Variants in SUMF1 observed in about 807,000 individuals in gnomAD.
SUMF1 encodes formylglycine-generating enzyme.
SUMF1 carries 48 observed loss-of-function variants against 47.6 expected under a neutral mutation model. The ratio of observed to expected loss-of-function variants is 1.01; its 90% CI spans 0.80 to 1.28. The LOEUF (loss-of-function observed/expected upper bound fraction) is 1.28, where lower values mean the gene tolerates loss of function less well. SUMF1 is among the 50% of genes most tolerant of loss of function. The probability of loss-of-function intolerance (pLI) is 0.00; values close to 1 mark genes in which losing one functional copy is unlikely to be tolerated. For synonymous variants in SUMF1, 230 were observed against 192.1 expected, an observed-to-expected ratio of 1.20 and a Z score of -1.63; for missense variants, 571 against 485.4, an observed-to-expected ratio of 1.18 and a Z score of -1.66.
At chr3:4,219,731 T>A (rs1261123902) in intron 8 of SUMF1, among the ~76,000 whole-genome samples, 1 of 152,164 alleles carries the variant, frequency 6.6e-6, no homozygotes, top group Non-Finnish European at 1.5e-5. Context: ...AGAAATACAC[T>A]GGGAATATGT....
chr3:4,110,575 A>G (rs1693274295), intron 8 of SUMF1, among the ~76,000 whole-genome samples: 1 of 152,040 alleles, frequency 6.6e-6, no homozygotes, highest in Non-Finnish European at 1.5e-5. Context: ...TCACAATAAC[A>G]AAGACTTGGA....
chr3:4,114,298 A>T (rs1460316064), intron 8 of SUMF1, among the ~76,000 whole-genome samples: 1 of 151,976 alleles, frequency 6.6e-6, no homozygotes, highest in Non-Finnish European at 1.5e-5. Flanking sequence ...TCTCTATCAC[A>T]CCCCTATGTC....
chr3:4,259,088 G>T (rs1283059887), intron 8 of SUMF1, among the ~76,000 whole-genome samples: 1 of 145,480 alleles, frequency 6.9e-6, no homozygotes, highest in Admixed American at 7.1e-5. Flanking sequence ...CCAGGAAGGG[G>T]GATATCACAC....
intron 8 of SUMF1, among the ~76,000 whole-genome samples, chr3:4,140,722 T>G (rs1374192494): frequency 6.6e-6 from 1 of 152,018 alleles, no homozygotes; most frequent in Non-Finnish European, 1.5e-5. Flanking sequence ...CAAATTATTT[T>G]ATTAATATAA....
chr3:4,361,673 A>G lies in SUMF1; in HGVS notation c.*471T>C, dbSNP rs2259818. 5.7e-6 allele frequency: 1 copy of G among 174,378 alleles called. No individual in the cohort carries two copies. Among genetic ancestry groups the G allele is most frequent in the Non-Finnish European group, 1.2e-5 (1 of 80,572 alleles). The allele number at this position is 174,378 out of a possible 1,614,324, so 10.8% of individuals were successfully genotyped here. A position where few individuals can be genotyped will look rare whatever the true frequency, so the allele number is the denominator to read the frequency against. ...AAAAAATAGCTAAAAAATAATCTAT[A>G]ATAAATTCTCACTATGAAGTCACAA... On this transcript the variant is annotated 3_prime_UTR_variant, in exon 9 of 9. Coordinates refer to ENST00000272902, the MANE Select transcript of SUMF1 (RefSeq NM_182760.4).
At chr3:4,284,148 G>C (rs1393000853) in intron 8 of SUMF1, among the ~76,000 whole-genome samples, 3 of 152,054 alleles carry the variant, frequency 2.0e-5, no homozygotes, top group Admixed American at 2.0e-4. Context: ...AGGAGCAGAG[G>C]CTTATGCTTA....
intron 9 of SUMF1, among the ~76,000 whole-genome samples, chr3:4,035,602 G>A (rs922607651): frequency 4.6e-5 from 7 of 152,220 alleles, no homozygotes; most frequent in Middle Eastern, 3.4e-3. Flanking sequence ...TTTTAGAGAG[G>A]CCACAACTCA....
intron 8 of SUMF1, among the ~76,000 whole-genome samples, chr3:4,092,618 T>A (rs1405636017): frequency 1.3e-5 from 2 of 152,146 alleles, no homozygotes; most frequent in Non-Finnish European, 2.9e-5. Flanking sequence ...TAAAGACTCA[T>A]ACAAGAAAAA....
chr3:4,125,734 G>C (rs1277263181), intron 8 of SUMF1, among the ~76,000 whole-genome samples: 1 of 152,174 alleles, frequency 6.6e-6, no homozygotes, highest in Non-Finnish European at 1.5e-5. Context: ...GAGTGCGGTG[G>C]CATGCTCACG....
intron 8 of SUMF1, among the ~76,000 whole-genome samples, chr3:4,115,901 G>A (rs1693414108): frequency 6.6e-6 from 1 of 152,164 alleles, no homozygotes. Flanking sequence ...ATTTTCTACT[G>A]TAGAGCTCTA....
chr3:4,296,003 G>A (rs377393157), intron 8 of SUMF1, among the ~76,000 whole-genome samples: 18 of 151,996 alleles, frequency 1.2e-4, no homozygotes, highest in Admixed American at 3.9e-4. Context: ...GTAAACTGCT[G>A]TCTTTTGGAA....
intron 8 of SUMF1, among the ~76,000 whole-genome samples, chr3:4,211,885 T>C (rs1695806825): frequency 6.6e-6 from 1 of 152,110 alleles, no homozygotes; most frequent in Non-Finnish European, 1.5e-5. Flanking sequence ...GCCAGAGTTC[T>C]CCTCTCTGGG....
At chr3:4,442,288 C>A (rs1702620061) in intron 3 of SUMF1, among the ~76,000 whole-genome samples, 1 of 149,928 alleles carries the variant, frequency 6.7e-6, no homozygotes, top group South Asian at 2.1e-4. Flanking sequence ...CGGAGTCTCG[C>A]TCTGTCGCCC....
At chr3:4,148,743 C>CATT (rs1694251779) in intron 8 of SUMF1, among the ~76,000 whole-genome samples, 1 of 152,080 alleles carries the variant, frequency 6.6e-6, no homozygotes, top group Non-Finnish European at 1.5e-5. Flanking sequence ...GATCCACAAA[C>CATT]TAGAACACAG....
intron 3 of SUMF1, among the ~76,000 whole-genome samples, chr3:4,428,714 T>C (rs1702143279): frequency 4.4e-5 from 1 of 22,918 alleles, no homozygotes; most frequent in South Asian, 2.2e-3. Flanking sequence ...CATATTTTCA[T>C]TTTAGTTTTA....
chr3:4,298,474 C>T (rs1367157177), intron 8 of SUMF1, among the ~76,000 whole-genome samples: 2 of 152,252 alleles, frequency 1.3e-5, no homozygotes, highest in East Asian at 1.9e-4. Flanking sequence ...CTGGAAGCAC[C>T]ACTGCTGACA....
chr3:4,112,241 C>T (rs769365905), intron 8 of SUMF1, among the ~76,000 whole-genome samples: 5 of 152,106 alleles, frequency 3.3e-5, no homozygotes, highest in Non-Finnish European at 7.4e-5. Context: ...ACACCAGATA[C>T]ATAAAATATG....
chr3:4,406,654 C>A (rs1701386061), intron 7 of SUMF1, among the ~76,000 whole-genome samples: 1 of 152,070 alleles, frequency 6.6e-6, no homozygotes, highest in Non-Finnish European at 1.5e-5. Context: ...AGCAAGCCTC[C>A]ATCTCAAATA....
chr3:4,147,603 T>C (rs1363882404), intron 8 of SUMF1, among the ~76,000 whole-genome samples: 1 of 152,152 alleles, frequency 6.6e-6, no homozygotes, highest in Non-Finnish European at 1.5e-5. Flanking sequence ...TCTAGCCATT[T>C]TGAAAATGAC....
Sources: allele counts gnomAD v4.1 joint callset (sites outside exome capture counted in the v4.1 genomes callset), GRCh38; gene constraint gnomAD v4.1.1; transcripts MANE v1.5; gene names NCBI Gene and HGNC (gene_info 2026-07-23, HGNC 2026-07-21).